Variants in HDAC9 observed in about 807,000 individuals in gnomAD.
The protein encoded by HDAC9 is MEF-2 interacting transcription repressor (MITR) protein.
A neutral mutation model predicts 139.4 loss-of-function variants in HDAC9; 41 were observed. The ratio of observed to expected loss-of-function variants is 0.29; its 90% CI spans 0.23 to 0.38. HDAC9 has a LOEUF of 0.38. HDAC9 is among the 10% of genes least tolerant of loss of function. HDAC9 has a pLI of 1.00. For missense variants in HDAC9, 1,147 were observed against 1,297.0 expected, an observed-to-expected ratio of 0.88 and a Z score of 1.78; for synonymous variants, 517 against 476.2, an observed-to-expected ratio of 1.09 and a Z score of -1.12.
intron 2 of HDAC9, among the ~76,000 whole-genome samples, chr7:18,225,484 C>T (rs1792993848): frequency 6.6e-6 from 1 of 151,926 alleles, no homozygotes; most frequent in Non-Finnish European, 1.5e-5. Flanking sequence ...ACATATAATC[C>T]TTCATTATGT....
intron 25 of HDAC9, among the ~76,000 whole-genome samples, chr7:18,990,200 C>G (rs1317739651): frequency 6.6e-6 from 1 of 152,090 alleles, no homozygotes; most frequent in Non-Finnish European, 1.5e-5. Flanking sequence ...TACTTTTGGT[C>G]TTTGATGATG....
rs1482809939 is a variant in HDAC9 at position 18,857,338 on chromosome 7, T to TGTGTGTGC, written c.2685-17133_2685-17132insCGTGTGTG. On this transcript the variant is annotated intron_variant, in intron 21 of 25. Coordinates refer to ENST00000686413, the MANE Select transcript of HDAC9 (RefSeq NM_178425.4). ...TGTTTCACAAAATATGTTTTAGTTG[T>TGTGTGTGC]GTGTGTGTGTGTGTGTGTGTGTGTG... is the stretch of plus-strand genomic sequence containing the variant. Among the ~76,000 whole-genome samples the TGTGTGTGC allele has an allele frequency of 5.4e-5, 8 of 148,868 alleles. No individual in the cohort carries two copies. The East Asian group carries it at 1.6e-3, about 29-fold the overall frequency.
At chr7:18,913,029 A>T (rs368660094) in intron 22 of HDAC9, among the ~76,000 whole-genome samples, 2 of 152,274 alleles carry the variant, frequency 1.3e-5, no homozygotes, top group East Asian at 3.9e-4. Flanking sequence ...GTTGTAGCAC[A>T]TACAAATGGA....
intron 1 of HDAC9, among the ~76,000 whole-genome samples, chr7:18,408,668 G>A (rs1193760231): frequency 6.6e-6 from 1 of 152,152 alleles, no homozygotes; most frequent in East Asian, 1.9e-4. Flanking sequence ...CTATCGGAAT[G>A]TCCTTAGTAA....
At chr7:18,772,331 A>C (rs1790367155) in intron 16 of HDAC9, among the ~76,000 whole-genome samples, 1 of 152,014 alleles carries the variant, frequency 6.6e-6, no homozygotes, top group African/African-American at 2.4e-5. Context: ...TCTTCCAAAA[A>C]AGGAGGGAAA....
intron 13 of HDAC9, among the ~76,000 whole-genome samples, chr7:18,740,133 G>A (rs1162341169): frequency 6.6e-6 from 1 of 152,216 alleles, no homozygotes; most frequent in Non-Finnish European, 1.5e-5. Flanking sequence ...GAAAAGTGCA[G>A]TATTTGGGCA....
At chr7:18,918,770 G>T (rs1443324623) in intron 22 of HDAC9, among the ~76,000 whole-genome samples, 1 of 152,106 alleles carries the variant, frequency 6.6e-6, no homozygotes, top group African/African-American at 2.4e-5. Context: ...AAATGATGAA[G>T]TATCCAAAGA....
chr7:18,321,912 T>G (rs1456486813), intron 1 of HDAC9, among the ~76,000 whole-genome samples: 1 of 152,182 alleles, frequency 6.6e-6, no homozygotes, highest in Non-Finnish European at 1.5e-5. Context: ...ATTTCTGCTT[T>G]CCATTATGTA....
intron 12 of HDAC9, among the ~76,000 whole-genome samples, chr7:18,718,158 C>T (rs1256019743): frequency 6.6e-6 from 1 of 152,146 alleles, no homozygotes; most frequent in Non-Finnish European, 1.5e-5. Context: ...AACCACTAGT[C>T]CACTTTTTGC....
intron 4 of HDAC9, 74 bp downstream of exon 4, chr7:18,590,560 A>C: frequency 7.0e-7 from 1 of 1,428,918 alleles, no homozygotes; most frequent in Non-Finnish European, 9.5e-7. Context: ...ACAAAGCCTG[A>C]TAAAGAGTGC....
intron 22 of HDAC9, among the ~76,000 whole-genome samples, chr7:18,913,510 A>G (rs1802918675): frequency 6.6e-6 from 1 of 152,050 alleles, no homozygotes; most frequent in South Asian, 2.1e-4. Flanking sequence ...CCACCTTTAA[A>G]CAAATAATAT....
chr7:18,855,794 A>C (rs1050773282), intron 21 of HDAC9, among the ~76,000 whole-genome samples: 2 of 152,048 alleles, frequency 1.3e-5, no homozygotes, highest in Admixed American at 1.3e-4. Context: ...AGCTGATTCT[A>C]TTACCAACTT....
At chr7:18,590,274 G>C in intron 3 of HDAC9, 62 bp from the exon 4 acceptor site, 1 of 1,549,188 alleles carries the variant, frequency 6.5e-7, no homozygotes, top group Non-Finnish European at 8.8e-7. Context: ...TTCAGTTTTG[G>C]TCAGTGATGA....
At chr7:18,141,493 T>C (rs1785893784) in intron 1 of HDAC9, among the ~76,000 whole-genome samples, 1 of 152,108 alleles carries the variant, frequency 6.6e-6, no homozygotes, top group African/African-American at 2.4e-5. Flanking sequence ...CAGAGAGCAA[T>C]ATTAAATCTA....
At chr7:18,103,369 A>G (rs915214438) in intron 1 of HDAC9, among the ~76,000 whole-genome samples, 1 of 152,170 alleles carries the variant, frequency 6.6e-6, no homozygotes, top group Non-Finnish European at 1.5e-5. Context: ...GGGGATACAT[A>G]TGCAAGTTTG....
chr7:18,228,141 G>A (rs1483242531), intron 2 of HDAC9, among the ~76,000 whole-genome samples: 2 of 152,132 alleles, frequency 1.3e-5, no homozygotes, highest in South Asian at 2.1e-4. Context: ...CAAAAGAATT[G>A]TAAACAGTGT....
intron 22 of HDAC9, among the ~76,000 whole-genome samples, chr7:18,932,853 AAAG>A (rs910410185): frequency 2.3e-4 from 28 of 122,266 alleles, no homozygotes; most frequent in African/African-American, 9.5e-4. Context: ...GGAAAAAAAG[AAAG>A]AAAGAAAGAA....
intron 1 of HDAC9, among the ~76,000 whole-genome samples, chr7:18,155,068 G>C (rs1787077808): frequency 7.3e-6 from 1 of 137,298 alleles, no homozygotes; most frequent in Admixed American, 7.0e-5. Context: ...GGTAGACAAA[G>C]CTTTTTTTCT....
chr7:18,266,597 A>T (rs2128210340), intron 2 of HDAC9, among the ~76,000 whole-genome samples: 1 of 152,244 alleles, frequency 6.6e-6, no homozygotes, highest in Middle Eastern at 3.4e-3. Context: ...CAATAAAATT[A>T]ATTTTTTCCT....
Sources: allele counts gnomAD v4.1 joint callset (sites outside exome capture counted in the v4.1 genomes callset), GRCh38; gene constraint gnomAD v4.1.1; transcripts MANE v1.5; gene names NCBI Gene and HGNC (gene_info 2026-07-23, HGNC 2026-07-21).